Variants in FAM114A2 observed in about 807,000 individuals in gnomAD.
FAM114A2 encodes protein FAM114A2.
A neutral mutation model predicts 58.4 loss-of-function variants in FAM114A2; 53 were observed. The ratio of observed to expected loss-of-function variants is 0.91; its 90% confidence interval spans 0.73 to 1.14. The LOEUF (loss-of-function observed/expected upper bound fraction) is 1.14. Ranked by LOEUF, FAM114A2 falls within the 50% of genes most tolerant of loss-of-function variation. The pLI, the probability that FAM114A2 is intolerant of heterozygous loss-of-function variation, is 0.00. For missense variants in FAM114A2, 601 were observed against 581.1 expected (o/e 1.03, Z -0.35); for synonymous variants, 228 against 211.4 (o/e 1.08, Z -0.68).
At chr5:153,996,224 G>C (rs1769544961) in intron 12 of FAM114A2, among the ~76,000 whole-genome samples, 1 of 152,098 alleles carries the variant, frequency 6.6e-6, no homozygotes, top group African/African-American at 2.4e-5. Context: ...CTAAAAATCA[G>C]AGTCCAGAAA....
chr5:154,011,190 C>T, intron 9 of FAM114A2, 51 bp downstream of exon 9: 1 of 1,353,112 alleles, frequency 7.4e-7, no homozygotes, highest in Middle Eastern at 1.8e-4. Flanking sequence ...TCTTTATCCA[C>T]TACATTTTTA....
intron 1 of FAM114A2, among the ~76,000 whole-genome samples, chr5:154,035,669 G>T (rs1431487563): frequency 2.0e-5 from 3 of 152,124 alleles, no homozygotes; most frequent in Non-Finnish European, 4.4e-5. Flanking sequence ...GTTTTTGGGG[G>T]AACATAAGCT....
intron 8 of FAM114A2, among the ~76,000 whole-genome samples, chr5:154,017,436 C>G (rs1771113028): frequency 6.6e-6 from 1 of 152,028 alleles, no homozygotes; most frequent in African/African-American, 2.4e-5. Flanking sequence ...GAGCGAAACT[C>G]CATCTCAAAA....
At chr5:153,998,062 T>C (rs1488618988) in intron 11 of FAM114A2, among the ~76,000 whole-genome samples, 187 bp from the exon 12 acceptor site, 1 of 152,178 alleles carries the variant, frequency 6.6e-6, no homozygotes, top group Non-Finnish European at 1.5e-5. Context: ...CAGTTACTCA[T>C]GGTCAACAAT....
chr5:154,014,574 C>G (rs897600694), intron 8 of FAM114A2, among the ~76,000 whole-genome samples: 10 of 152,182 alleles, frequency 6.6e-5, no homozygotes, highest in African/African-American at 2.4e-4. Flanking sequence ...GGAGATGAAT[C>G]TGACCTTACT....
At chr5:154,026,702 ACT>A (rs1208815132) in intron 7 of FAM114A2, among the ~76,000 whole-genome samples, 180 bp from the exon 8 acceptor site, 1 of 152,118 alleles carries the variant, frequency 6.6e-6, no homozygotes, top group Admixed American at 6.6e-5. Context: ...AGGTAGGGAG[ACT>A]CTGTGCTTCT....
At chr5:154,027,659 T>C (rs1771882135) in intron 6 of FAM114A2, 1 of 198,836 alleles carries the variant, frequency 5.0e-6, no homozygotes, top group East Asian at 1.2e-4. Flanking sequence ...CGCCACCACG[T>C]CCAGCTAATT....
chr5:154,006,476 A>C (rs111976298), intron 9 of FAM114A2, among the ~76,000 whole-genome samples: 1 of 152,212 alleles, frequency 6.6e-6, no homozygotes, highest in Non-Finnish European at 1.5e-5. Context: ...AGTTGTAAGC[A>C]CAGGGAAATC....
chr5:154,021,097 C>T (rs536824388), intron 8 of FAM114A2, among the ~76,000 whole-genome samples: 1 of 152,140 alleles, frequency 6.6e-6, no homozygotes, highest in Non-Finnish European at 1.5e-5. Context: ...AATTCAACAG[C>T]CCTTCATACT....
At chr5:153,996,422 G>GT (rs375619396) in intron 12 of FAM114A2, among the ~76,000 whole-genome samples, 152 of 152,166 alleles carry the variant, frequency 1.0e-3, no homozygotes, top group African/African-American at 3.3e-3. Context: ...AGACATAAAT[G>GT]TAAGGGCTAC....
chr5:154,021,519 C>A (rs1322655454), intron 8 of FAM114A2, among the ~76,000 whole-genome samples: 4 of 152,014 alleles, frequency 2.6e-5, no homozygotes, highest in African/African-American at 9.7e-5. Context: ...AAACAGAGAG[C>A]CAAATCATGA....
chr5:154,011,391 G>A, intron 8 of FAM114A2, 71 bp from the exon 9 acceptor site: 1 of 970,020 alleles, frequency 1.0e-6, no homozygotes, highest in Admixed American at 1.8e-5. Context: ...AGGCGAGGAG[G>A]AAGAGGAGAG....
chr5:154,021,233 G>C (rs973160401), intron 8 of FAM114A2, among the ~76,000 whole-genome samples: 9 of 152,248 alleles, frequency 5.9e-5, no homozygotes, highest in Middle Eastern at 6.8e-3. Context: ...TTGAAAACTG[G>C]CACAAGACAG....
At chr5:153,997,980 G>GA (rs1769695228) in intron 11 of FAM114A2, 105 bp from the exon 12 acceptor site, 1 of 678,344 alleles carries the variant, frequency 1.5e-6, no homozygotes, top group Non-Finnish European at 2.5e-6. Flanking sequence ...TACTAAATGT[G>GA]AAAGAAGAAA....
At position 154,034,783 on chromosome 5, in the gene FAM114A2, A is replaced by T; in HGVS notation, c.171T>A (p.Pro57=). 1 of 1,613,980 alleles carries T rather than the reference A, an allele frequency of 6.2e-7. No individual in the cohort carries two copies. Among genetic ancestry groups the T allele is most frequent in the South Asian group, 1.1e-5 (1 of 91,084 alleles). The part of the protein sequence containing the change: ...VSTRKRPETK[P]SSDLETSKVL... ...CTTTTGAAGTCTCAAGGTCACTGGA[A>T]GGTTTGGTCTCTGGTCTTTTCCGAG... is the stretch of plus-strand genomic sequence containing the variant. The change falls in exon 2 of 14, where the codon CCT becomes CCA. Residue 57 remains proline (P), a synonymous_variant. Coordinates refer to ENST00000351797, the MANE Select transcript of FAM114A2 (RefSeq NM_018691.4).
chr5:154,035,748 T>C (rs1330921564), intron 1 of FAM114A2, among the ~76,000 whole-genome samples: 1 of 152,248 alleles, frequency 6.6e-6, no homozygotes, highest in Non-Finnish European at 1.5e-5. Context: ...ATGTTTAGTT[T>C]TATGAGAAAC....
intron 11 of FAM114A2, among the ~76,000 whole-genome samples, chr5:153,999,149 C>T (rs949333094): frequency 1.3e-5 from 2 of 151,880 alleles, no homozygotes; most frequent in East Asian, 3.9e-4. Flanking sequence ...AGGAACTCAA[C>T]AATAAAAGAA....
intron 9 of FAM114A2, among the ~76,000 whole-genome samples, chr5:154,005,470 C>T (rs1379101156): frequency 6.6e-6 from 1 of 152,060 alleles, no homozygotes; most frequent in South Asian, 2.1e-4. Context: ...TAAGAGTTAC[C>T]GAAATGGAAA....
chr5:154,011,618 A>C (rs1460147634), intron 8 of FAM114A2, among the ~76,000 whole-genome samples: 1 of 152,208 alleles, frequency 6.6e-6, no homozygotes, highest in Non-Finnish European at 1.5e-5. Context: ...AAAGATTAGT[A>C]GTCAAACCTT....
Sources: allele counts gnomAD v4.1 joint callset (sites outside exome capture counted in the v4.1 genomes callset), GRCh38; gene constraint gnomAD v4.1.1; transcripts MANE v1.5; gene names NCBI Gene and HGNC (gene_info 2026-07-23, HGNC 2026-07-21).